PPP1R9B: variants seen among roughly 807,000 people sequenced by gnomAD.
PPP1R9B encodes the protein neurabin-2.
PPP1R9B carries 17 observed loss-of-function variants against 75.8 expected under a neutral mutation model. The observed-to-expected ratio is 0.22, with a 90% CI of 0.15 to 0.34. PPP1R9B has a LOEUF of 0.34. PPP1R9B is among the 10% of genes least tolerant of loss of function. The pLI is 1.00. For missense variants in PPP1R9B, 875 were observed against 1,196.0 expected, an observed-to-expected ratio of 0.73 and a Z score of 3.96; for synonymous variants, 509 against 535.4, an observed-to-expected ratio of 0.95 and a Z score of 0.68.
intron 1 of PPP1R9B, among the ~76,000 whole-genome samples, chr17:50,146,398 G>A (rs564353365): frequency 3.3e-5 from 5 of 152,278 alleles, no homozygotes; most frequent in African/African-American, 1.2e-4. Flanking sequence ...GGCTGAGTCT[G>A]AGCCCCGAGG....
chr17:50,149,542 C>A lies in PPP1R9B; in HGVS notation c.972G>T (p.Thr324=). ...APGEVIQAEV[T]VHAALENGST... ...TGCCATTCTCCAGGGCCGCGTGGAC[C>A]GTAACCTCGGCCTGGATCACCTCCC... Residue 324 remains threonine, a synonymous_variant, in exon 1 of 10, where the codon ACG becomes ACT. Transcript: ENST00000612501. The surrounding 1 kb of genome is among the most constrained non-coding windows in gnomAD (Gnocchi z 7.2). 2 of 1,591,128 alleles carry A rather than the reference C, an allele frequency of 1.3e-6. No homozygotes were observed. The highest frequency in any genetic ancestry group is 1.7e-6 in the Non-Finnish European group (2 of 1,171,130).
At chr17:50,144,947 T>C (rs142159553) in intron 2 of PPP1R9B, among the ~76,000 whole-genome samples, 166 bp downstream of exon 2, 1 of 152,086 alleles carries the variant, frequency 6.6e-6, no homozygotes, top group African/African-American at 2.4e-5. Flanking sequence ...TTGCTCTGGG[T>C]GCTGACAAGG....
At position 50,149,299 on chromosome 17, in the gene PPP1R9B, A is replaced by G. The variant is rs1191783043; in HGVS notation, c.1215T>C (p.Ser405=). ...VSAYSGLGED[S]AGSALEEDDE... The stretch of plus-strand genomic sequence containing the variant: ...CGTCCTCCTCCAGGGCACTGCCCGC[A>G]GAGTCCTCCCCGAGCCCACTGTAGG... The change falls in exon 1 of 10, where the codon TCT becomes TCC. Residue 405 remains serine, a synonymous_variant. Transcript: ENST00000612501. The surrounding 1 kb of genome is among the most constrained non-coding windows in gnomAD (Gnocchi z 7.2). The G allele has an allele frequency of 9.9e-6, 16 of 1,612,268 alleles. No individual in the cohort carries two copies. The highest frequency in any genetic ancestry group is 1.4e-5 in the Non-Finnish European group (16 of 1,179,478).
At chr17:50,148,339 T>A (rs779836140) in intron 1 of PPP1R9B, among the ~76,000 whole-genome samples, 6 of 152,200 alleles carry the variant, frequency 3.9e-5, no homozygotes, top group Non-Finnish European at 2.9e-5. Context: ...TGGGAGTCTG[T>A]CCTATTGAGC....
rs1348183741 is a variant in PPP1R9B, at chr17:50,149,634, CCCGGGGCTTGGGGGGCGG to C, written c.862_879del (p.Pro288_Arg293del). The C allele has an allele frequency of 6.5e-7, 1 of 1,527,774 alleles. No homozygotes were observed. The highest frequency in any genetic ancestry group is 2.5e-5 in the East Asian group (1 of 40,158). 94.6% of individuals were successfully genotyped at this position (1,527,774 alleles called of 1,614,324 possible). A position where few individuals can be genotyped will look rare whatever the true frequency, so the allele number is the denominator to read the frequency against. On this transcript the variant is annotated inframe_deletion, in exon 1 of 10. Coordinates refer to ENST00000612501, the MANE Select transcript of PPP1R9B (RefSeq NM_032595.5). The surrounding 1 kb of genome is among the most constrained non-coding windows in gnomAD (Gnocchi z 7.2). ...TCCACCGGCTTAATCTTGCGCACCTCCCGGGGCTTGGGGGGCGGCCGGGCAGGGGCCACTCGGTGCTGC... is the reference window on the plus strand; with the variant it reads ...TCCACCGGCTTAATCTTGCGCACCTCCCGGGCAGGGGCCACTCGGTGCTGC...
rs868269605 is a variant in PPP1R9B, at chr17:50,150,156, G to A, written c.358C>T (p.Arg120Cys). ...LLKLGTSVSE[R>C]VSRFDSKPAP... is the part of the protein sequence containing the mutation. The stretch of plus-strand genomic sequence containing the variant: ...GGCTTGGAGTCGAAGCGGCTCACGC[G>A]CTCCGACACGCTGGTGCCCAGCTTC... Residue 120 changes from arginine (R) to cysteine (C), a missense_variant, in exon 1 of 10, where the codon CGC (arginine) becomes TGC (cysteine). Physicochemically the swap from Arg to Cys is radical, Grantham distance 180. Coordinates refer to ENST00000612501, the MANE Select transcript of PPP1R9B (RefSeq NM_032595.5). This position sits in a 1 kb window ranked among gnomAD's most constrained non-coding sequence, Gnocchi z 8.7. The A allele has an allele frequency of 6.9e-7, 1 of 1,446,336 alleles. No homozygotes were observed. The highest frequency in any genetic ancestry group is 9.1e-7 in the Non-Finnish European group (1 of 1,102,534). The allele number at this position is 1,446,336 out of a possible 1,614,324, so 89.6% of individuals were successfully genotyped here. A position where few individuals can be genotyped will look rare whatever the true frequency, so the allele number is the denominator to read the frequency against.
intron 4 of PPP1R9B, among the ~76,000 whole-genome samples, chr17:50,140,653 G>A (rs1400866363): frequency 1.3e-5 from 2 of 152,222 alleles, no homozygotes; most frequent in Non-Finnish European, 2.9e-5. Flanking sequence ...GATGGCAACT[G>A]GAGATTAGGA....
intron 2 of PPP1R9B, among the ~76,000 whole-genome samples, chr17:50,143,958 G>A (rs1246904017): frequency 6.6e-6 from 1 of 152,206 alleles, no homozygotes; most frequent in Non-Finnish European, 1.5e-5. Flanking sequence ...AGCGTGCCAA[G>A]GGTGGCACAG....
intron 1 of PPP1R9B, among the ~76,000 whole-genome samples, chr17:50,147,746 G>GA (rs1219368182): frequency 6.6e-6 from 1 of 152,126 alleles, no homozygotes; most frequent in Non-Finnish European, 1.5e-5. Flanking sequence ...TTCAGGAGGG[G>GA]AAAGGGGTTG....
At position 50,149,958 on chromosome 17, in the gene PPP1R9B, C is replaced by A; in HGVS notation, c.556G>T (p.Val186Leu). The A allele has an allele frequency of 6.6e-7, 1 of 1,514,716 alleles. No homozygotes were observed. The highest frequency in any genetic ancestry group is 1.2e-5 in the South Asian group (1 of 81,972). The allele number at this position is 1,514,716 out of a possible 1,614,324, so 93.8% of individuals were successfully genotyped here. The change falls in exon 1 of 10, where the codon GTG (valine) becomes TTG (leucine). Residue 186 changes from valine to leucine, a missense_variant. Around this residue, in one of 4 missense-constraint regions of PPP1R9B, gnomAD observed 449 missense variants for 475.0 expected, o/e 0.95. Transcript: ENST00000612501. The surrounding 1 kb of genome is among the most constrained non-coding windows in gnomAD (Gnocchi z 7.2). The stretch of plus-strand genomic sequence containing the variant: ...TCGGTGCTGCCGTTGAAGCGCACCA[C>A]GACGTCCAGCTTCCGGTCCTGCAGG... ...AGLQDRKLDV[V>L]VRFNGSTEAL... is the part of the protein sequence containing the mutation.
intron 7 of PPP1R9B, among the ~76,000 whole-genome samples, chr17:50,136,690 C>T (rs1461902812): frequency 6.6e-6 from 1 of 152,170 alleles, no homozygotes; most frequent in African/African-American, 2.4e-5. Context: ...TCTCTCCCAG[C>T]TTCCAGGTGA....
chr17:50,136,718 A>AG (rs1912241468), intron 7 of PPP1R9B, among the ~76,000 whole-genome samples: 1 of 152,084 alleles, frequency 6.6e-6, no homozygotes, highest in African/African-American at 2.4e-5. Context: ...GCAGACCTCC[A>AG]GTCCCCCACA....
chr17:50,135,643 G>A lies in PPP1R9B; in HGVS notation c.2310C>T (p.Ile770=), dbSNP rs766313953. 8 of 1,605,184 alleles carry A rather than the reference G, an allele frequency of 5.0e-6. No individual in the cohort carries two copies. The Admixed American group carries it at 6.8e-5, about 14-fold the overall frequency. ...GTGCAGTCTCCTTTTTCAGGAACTC[G>A]ATCTCCCTGGGCACAGGCAAGGGAC... ...RLIKDYQQKE[I]EFLKKETAQR... Residue 770 remains isoleucine (I), a synonymous_variant, in exon 9 of 10, where the codon ATC becomes ATT. Transcript: ENST00000612501.
At chr17:50,145,418 T>A (rs1912488963) in intron 1 of PPP1R9B, among the ~76,000 whole-genome samples, 173 bp from the exon 2 acceptor site, 1 of 152,102 alleles carries the variant, frequency 6.6e-6, no homozygotes, top group Non-Finnish European at 1.5e-5. Context: ...ACAAAGGCCC[T>A]TATAGTTCTG....
At position 50,135,667 on chromosome 17, in the gene PPP1R9B, A is replaced by T; in HGVS notation, c.2304-18T>A. The T allele has an allele frequency of 6.3e-7, 1 of 1,586,942 alleles. No homozygotes were observed. The highest frequency in any genetic ancestry group is 1.1e-5 in the South Asian group (1 of 87,454). ...CGATCTCCCTGGGCACAGGCAAGGG[A>T]CAGATGGCAGGTAAGGGTGTGTGGT... is the stretch of plus-strand genomic sequence containing the variant. On this transcript the variant is annotated intron_variant, in intron 8 of 9. Transcript: ENST00000612501.
At chr17:50,145,023 C>A (rs1325924975) in intron 2 of PPP1R9B, 90 bp downstream of exon 2, 8 of 1,492,232 alleles carry the variant, frequency 5.4e-6, no homozygotes, top group African/African-American at 1.4e-5. Flanking sequence ...TGTGGGAGCC[C>A]CTGAGGGCAC....
In PPP1R9B at chr17:50,135,709, G is replaced by C. The variant is rs1598243833; in HGVS notation, c.2304-60C>G. 7 of 1,429,324 alleles carry C rather than the reference G, an allele frequency of 4.9e-6. No individual in the cohort carries two copies. In the East Asian group the frequency reaches 1.5e-4, roughly 30 times the overall value. 88.5% of individuals were successfully genotyped at this position (1,429,324 alleles called of 1,614,324 possible). On this transcript the variant is annotated intron_variant, in intron 8 of 9. Transcript: ENST00000612501. ...GTGTGTGGTCTGGCTTTCATCCAGG[G>C]TGACCCAGGTCCTCAGCTTTACCTG...
Position 50,135,575 on chromosome 17 carries a change from T to C in PPP1R9B, c.2378A>G (p.Glu793Gly). The C allele has an allele frequency of 6.2e-7, 1 of 1,610,956 alleles. No individual in the cohort carries two copies. Residue 793 changes from glutamate (E) to glycine (G), a missense_variant, in exon 9 of 10, where the codon GAG becomes GGG. Glu to Gly is a moderately conservative substitution (Grantham distance 98). Around this residue, in one of 4 missense-constraint regions of PPP1R9B, gnomAD observed 218 missense variants for 334.6 expected, o/e 0.65. Coordinates refer to ENST00000612501, the MANE Select transcript of PPP1R9B (RefSeq NM_032595.5). ...LEESELARKEEMDKLLDKISE... is the reference protein window; with the variant it reads ...LEESELARKEGMDKLLDKISE... The stretch of plus-strand genomic sequence containing the variant: ...CACCTTGTCCAGGAGCTTGTCCATC[T>C]CCTCCTTTCTGGCCAGCTCCGACTC...
Position 50,139,604 on chromosome 17 carries a change from G to A in PPP1R9B, c.1867-23C>T. 1 of 1,525,272 alleles carries A rather than the reference G, an allele frequency of 6.6e-7. No homozygotes were observed. The highest frequency in any genetic ancestry group is 8.8e-7 in the Non-Finnish European group (1 of 1,136,162). 94.5% of individuals were successfully genotyped at this position (1,525,272 alleles called of 1,614,324 possible). On this transcript the variant is annotated intron_variant, in intron 5 of 9. Transcript: ENST00000612501. The surrounding 1 kb of genome is among the most constrained non-coding windows in gnomAD (Gnocchi z 5.0). ...CGTCTGCGAAGGGAGACCGGAGACT[G>A]TGGGCCCACCCCACCCAGCTGCCCT...
Sources: allele counts gnomAD v4.1 joint callset (sites outside exome capture counted in the v4.1 genomes callset), GRCh38; gene constraint gnomAD v4.1.1; regional missense constraint gnomAD v4.1.1; non-coding constraint Gnocchi (gnomAD v3.1); transcripts MANE v1.5; gene names NCBI Gene and HGNC (gene_info 2026-07-23, HGNC 2026-07-21).